Variants in SLC12A1 observed in about 807,000 individuals in gnomAD.
SLC12A1 encodes the protein Na-K-2Cl cotransporter.
SLC12A1 carries 89 observed loss-of-function variants against 130.4 expected under a neutral mutation model. The ratio of observed to expected loss-of-function variants is 0.68; its 90% CI spans 0.58 to 0.81. The LOEUF is 0.81. Among genes scored for constraint, SLC12A1 ranks in the 40% least tolerant of loss-of-function variants. The probability of loss-of-function intolerance (pLI) is 0.00; values close to 1 mark genes in which losing one functional copy is unlikely to be tolerated. For missense variants in SLC12A1, 1,310 were observed against 1,336.4 expected (o/e 0.98, Z 0.31); for synonymous variants, 499 against 460.0 (o/e 1.08, Z -1.09).
chr15:48,301,026 G>C (rs150292884), intron 25 of SLC12A1, among the ~76,000 whole-genome samples: 8 of 152,170 alleles, frequency 5.3e-5, no homozygotes, highest in Admixed American at 4.6e-4. Flanking sequence ...CAGGGTAGGA[G>C]AAAACACCTT....
chr15:48,255,168 G>A (rs565977534), intron 15 of SLC12A1, among the ~76,000 whole-genome samples: 5 of 152,252 alleles, frequency 3.3e-5, no homozygotes, highest in East Asian at 1.9e-4. Context: ...GGCCAGGCGC[G>A]GTGGCTCACG....
chr15:48,288,380 T>G lies in SLC12A1; in HGVS notation c.2762-25T>G, dbSNP rs997019168. 4.0e-6 allele frequency: 5 copies of G among 1,240,844 alleles called. No individual in the cohort carries two copies. The South Asian group carries it at 6.7e-5, about 17-fold the overall frequency. The allele number at this position is 1,240,844 out of a possible 1,614,324, so 76.9% of individuals were successfully genotyped here. On this transcript the variant is annotated intron_variant, in intron 22 of 26. Transcript: ENST00000380993. The stretch of plus-strand genomic sequence containing the variant: ...TCCTTCCATTTAGATATACTCATTG[T>G]GTCATAATTTATTCTTTATTCCAGG...
chr15:48,271,639 A>G (rs1483527275), intron 19 of SLC12A1, among the ~76,000 whole-genome samples: 1 of 152,190 alleles, frequency 6.6e-6, no homozygotes, highest in South Asian at 2.1e-4. Context: ...TTCACTCAAC[A>G]GTCTTTCTAA....
chr15:48,207,778 G>T lies in SLC12A1; in HGVS notation c.59G>T (p.Arg20Leu). The change falls in exon 2 of 27, where the codon CGC (arginine) becomes CTC (leucine). Residue 20 changes from arginine to leucine, a missense_variant. Physicochemically the swap from Arg to Leu is moderately radical, Grantham distance 102. Transcript: ENST00000380993. ...FLDSVPSNTN[R>L]FQVSVINENH... ...GATTCAGTGCCCAGTAATACCAATC[G>T]CTTTCAAGTTAGTGTCATAAATGAG... 5 of 1,612,630 alleles carry T rather than the reference G, an allele frequency of 3.1e-6. No homozygotes were observed. Among genetic ancestry groups the T allele is most frequent in the Non-Finnish European group, 4.2e-6 (5 of 1,179,304 alleles).
intron 19 of SLC12A1, among the ~76,000 whole-genome samples, chr15:48,272,116 T>C (rs1359812823): frequency 6.6e-6 from 1 of 152,220 alleles, no homozygotes; most frequent in Non-Finnish European, 1.5e-5. Flanking sequence ...CTGGCTTTTA[T>C]GACAAATTAA....
At chr15:48,276,385 C>T (rs2041954333) in intron 20 of SLC12A1, among the ~76,000 whole-genome samples, 1 of 152,130 alleles carries the variant, frequency 6.6e-6, no homozygotes, top group Non-Finnish European at 1.5e-5. Flanking sequence ...CCCCCAGGAC[C>T]TCGGAATGTG....
intron 9 of SLC12A1, chr15:48,237,016 C>A: frequency 1.4e-6 from 1 of 702,738 alleles, no homozygotes; most frequent in South Asian, 1.5e-5. Flanking sequence ...CTTCACCTCT[C>A]CCTCAAGGAG....
At chr15:48,257,927 CT>C in intron 16 of SLC12A1, among the ~76,000 whole-genome samples, 1 of 152,310 alleles carries the variant, frequency 6.6e-6, no homozygotes, top group Non-Finnish European at 1.5e-5. Context: ...ATTTTTCCAA[CT>C]TTTTTGCTCT....
chr15:48,244,273 G>A (rs777820121), intron 10 of SLC12A1, among the ~76,000 whole-genome samples: 3 of 152,160 alleles, frequency 2.0e-5, no homozygotes, highest in Non-Finnish European at 4.4e-5. Context: ...CTGTAACTCT[G>A]TTTGATAACT....
intron 9 of SLC12A1, among the ~76,000 whole-genome samples, chr15:48,240,343 CA>C (rs1444642161): frequency 6.6e-6 from 1 of 151,750 alleles, no homozygotes; most frequent in African/African-American, 2.4e-5. Flanking sequence ...CTGACGACGA[CA>C]ATAGTTTGGA....
intron 15 of SLC12A1, among the ~76,000 whole-genome samples, chr15:48,252,134 C>T (rs925520719): frequency 6.7e-6 from 1 of 150,238 alleles, no homozygotes; most frequent in Non-Finnish European, 1.5e-5. Context: ...AACCGGAAGG[C>T]GGAGGTTGCA....
chr15:48,255,067 G>A (rs943375814), intron 15 of SLC12A1, among the ~76,000 whole-genome samples: 3 of 152,162 alleles, frequency 2.0e-5, no homozygotes, highest in Non-Finnish European at 2.9e-5. Flanking sequence ...GAATTCCCAT[G>A]CTATTCAGTT....
intron 23 of SLC12A1, among the ~76,000 whole-genome samples, chr15:48,289,209 G>A (rs1022089889): frequency 2.0e-5 from 3 of 151,330 alleles, no homozygotes; most frequent in Non-Finnish European, 2.9e-5. Context: ...CACATCTAGA[G>A]GTCTCTGATG....
chr15:48,302,193 G>A (rs1395511620), intron 26 of SLC12A1, among the ~76,000 whole-genome samples: 1 of 152,328 alleles, frequency 6.6e-6, no homozygotes, highest in East Asian at 1.9e-4. Flanking sequence ...AAGTGAAAAT[G>A]TACATTTTTG....
intron 26 of SLC12A1, 120 bp downstream of exon 26, chr15:48,301,502 T>TGCGGTGGG: frequency 2.3e-6 from 1 of 429,450 alleles, no homozygotes; most frequent in South Asian, 3.6e-5. Flanking sequence ...GTGTTTTTTT[T>TGCGGTGGG]GGGGGGGGGA....
At chr15:48,263,147 A>G (rs2041794401) in intron 17 of SLC12A1, among the ~76,000 whole-genome samples, 1 of 152,186 alleles carries the variant, frequency 6.6e-6, no homozygotes, top group South Asian at 2.1e-4. Context: ...TTATTCATAT[A>G]CTTCTCAATT....
At chr15:48,295,335 T>C (rs1454543744) in intron 24 of SLC12A1, among the ~76,000 whole-genome samples, 1 of 152,142 alleles carries the variant, frequency 6.6e-6, no homozygotes, top group Non-Finnish European at 1.5e-5. Context: ...AATCTGGTTT[T>C]CTCAACCCAA....
intron 14 of SLC12A1, among the ~76,000 whole-genome samples, chr15:48,250,674 C>CCACACACACACACACACACACACA (rs750040638): frequency 2.1e-4 from 12 of 56,128 alleles, no homozygotes; most frequent in African/African-American, 1.1e-3. Context: ...AAAATGTCTG[C>CCACACACACACACACACACACACA]CTCACACACA....
chr15:48,206,313 G>C lies in SLC12A1; in HGVS notation c.-204G>C, dbSNP rs2040983169. 1 of 152,214 alleles carries C rather than the reference G, an allele frequency of 6.6e-6. No individual in the cohort carries two copies. Among genetic ancestry groups the C allele is most frequent in the Admixed American group, 6.5e-5 (1 of 15,282 alleles). The allele number at this position is 152,214 out of a possible 1,614,324, so 9.4% of individuals were successfully genotyped here. A position where few individuals can be genotyped will look rare whatever the true frequency, so the allele number is the denominator to read the frequency against. ...CGCTGAAGCAGGTTACATTTCCTCAGAAGAAGGCTCCTTGGTGGTAAGTTG... is the reference window on the plus strand; with the variant it reads ...CGCTGAAGCAGGTTACATTTCCTCACAAGAAGGCTCCTTGGTGGTAAGTTG... On this transcript the variant is annotated 5_prime_UTR_variant, in exon 1 of 27. Transcript: ENST00000380993.
Sources: gnomAD v4.1 joint callset for allele counts (sites outside exome capture counted in the v4.1 genomes callset) on GRCh38, gnomAD v4.1.1 for gene constraint, MANE v1.5 for transcripts, NCBI Gene and HGNC (gene_info 2026-07-23, HGNC 2026-07-21) for gene names.